The following CNTN2 variants were observed in gnomAD, a reference collection of about 807,000 sequenced individuals.
CNTN2 encodes the protein contactin 2, also known as contactin-2.
In CNTN2, 53 loss-of-function variants were observed where a neutral mutation model predicts 117.5. That is an observed-to-expected ratio of 0.45 (90% CI 0.36 to 0.57). The LOEUF is 0.57. Ranked by LOEUF, CNTN2 falls within the 20% of genes least tolerant of loss-of-function variation. CNTN2 has a pLI of 0.00. For missense variants in CNTN2, 1,106 were observed against 1,404.3 expected (o/e 0.79, Z 3.39); for synonymous variants, 530 against 561.7 (o/e 0.94, Z 0.80).
intron 20 of CNTN2, 101 bp downstream of exon 20, chr1:205,072,234 C>T: frequency 8.1e-7 from 1 of 1,231,562 alleles, no homozygotes; most frequent in East Asian, 2.3e-5. Context: ...CTCTAGCCCA[C>T]CAGCTCTGGG....
chr1:205,045,304 T>C (rs2096439657), intron 1 of CNTN2, among the ~76,000 whole-genome samples: 1 of 152,146 alleles, frequency 6.6e-6, no homozygotes, highest in Non-Finnish European at 1.5e-5. Context: ...CCGCCACCAT[T>C]TCCCCTGCCA....
chr1:205,059,484 C>A lies in CNTN2; in HGVS notation c.698-99C>A. On this transcript the variant is annotated intron_variant, in intron 6 of 22. Transcript: ENST00000331830. The surrounding 1 kb of genome is among the most constrained non-coding windows in gnomAD (Gnocchi z 5.6). ...GCCTCAAGGAGATTCCACACAGCTG[C>A]CTAGACAGAGTTGGCTCTGAAAGGT... The A allele has an allele frequency of 7.8e-7, 1 of 1,286,208 alleles. No homozygotes were observed. Among genetic ancestry groups the A allele is most frequent in the Non-Finnish European group, 1.1e-6 (1 of 889,508 alleles). The allele number at this position is 1,286,208 out of a possible 1,614,324, so 79.7% of individuals were successfully genotyped here. A position where few individuals can be genotyped will look rare whatever the true frequency, so the allele number is the denominator to read the frequency against.
rs547449143 is a variant in CNTN2 at position 205,074,127 on chromosome 1, C to T, written c.*362C>T. On this transcript the variant is annotated 3_prime_UTR_variant, in exon 23 of 23. Coordinates refer to ENST00000331830, the MANE Select transcript of CNTN2 (RefSeq NM_005076.5). Reference sequence around the variant, plus strand: ...GCCCTCTGGGACCCTATACGGACTCCGCCACTTGAGAGCAGTCCTAGGCCC... The same window carrying T: ...GCCCTCTGGGACCCTATACGGACTCTGCCACTTGAGAGCAGTCCTAGGCCC... 8 of 511,506 alleles carry T rather than the reference C, an allele frequency of 1.6e-5. No homozygotes were observed. The highest frequency in any genetic ancestry group is 5.6e-5 in the African/African-American group (3 of 53,098). The allele number at this position is 511,506 out of a possible 1,614,324, so 31.7% of individuals were successfully genotyped here.
In CNTN2 at chr1:205,069,404, T is replaced by TA. The variant is rs1330894407; in HGVS notation, c.2126-86dup. 5 of 1,349,640 alleles carry TA rather than the reference T, an allele frequency of 3.7e-6. No homozygotes were observed. In the African/African-American group the frequency reaches 5.8e-5, roughly 16 times the overall value. The allele number at this position is 1,349,640 out of a possible 1,614,324, so 83.6% of individuals were successfully genotyped here. On this transcript the variant is annotated intron_variant, in intron 16 of 22. Transcript: ENST00000331830. ...GGCCCAGTTGAAGGGGTTCCCATCT[T>TA]ACGGTGCTCTACAGGCACAGGCTCA...
rs953150406 is a variant in CNTN2, at chr1:205,064,488, C to T, written c.1391+16C>T. ...ACAGCAGCAGGTACCACCCACACCC[C>T]ACCCTGCACAGTTCCTGCTCCTCCT... On this transcript the variant is annotated intron_variant, in intron 11 of 22. Coordinates refer to ENST00000331830, the MANE Select transcript of CNTN2 (RefSeq NM_005076.5). The T allele has an allele frequency of 1.9e-6, 3 of 1,595,534 alleles. No individual in the cohort carries two copies. The highest frequency in any genetic ancestry group is 2.6e-6 in the Non-Finnish European group (3 of 1,165,934).
chr1:205,073,945 A>T lies in CNTN2; in HGVS notation c.*180A>T. 1 of 609,032 alleles carries T rather than the reference A, an allele frequency of 1.6e-6. No homozygotes were observed. Among genetic ancestry groups the T allele is most frequent in the Non-Finnish European group, 2.9e-6 (1 of 342,832 alleles). The allele number at this position is 609,032 out of a possible 1,614,324, so 37.7% of individuals were successfully genotyped here. ...ATTTTATATTCTGCCGCAGGATAGA[A>T]CCCACGCAAGGATTTTCTTTAAATT... is the stretch of plus-strand genomic sequence containing the variant. On this transcript the variant is annotated 3_prime_UTR_variant, in exon 23 of 23. Coordinates refer to ENST00000331830, the MANE Select transcript of CNTN2 (RefSeq NM_005076.5). This position sits in a 1 kb window ranked among gnomAD's most constrained non-coding sequence, Gnocchi z 6.3.
chr1:205,066,492 C>A lies in CNTN2; in HGVS notation c.1868C>A (p.Thr623Asn). 1.9e-6 allele frequency: 3 copies of A among 1,614,088 alleles called. No homozygotes were observed. Among genetic ancestry groups the A allele is most frequent in the Non-Finnish European group, 2.5e-6 (3 of 1,180,042 alleles). Residue 623 changes from threonine (T) to asparagine (N), a missense_variant, in exon 15 of 23, where the codon ACC (threonine) becomes AAC (asparagine). Coordinates refer to ENST00000331830, the MANE Select transcript of CNTN2 (RefSeq NM_005076.5). ...GVVVRDIGDT[T>N]IQLSWSRGFD... is the part of the protein sequence containing the mutation. Reference sequence around the variant, plus strand: ...GTGGTGAGGGACATTGGCGACACCACCATCCAGCTCAGCTGGAGCCGTGGC... The same window carrying A: ...GTGGTGAGGGACATTGGCGACACCAACATCCAGCTCAGCTGGAGCCGTGGC...
intron 9 of CNTN2, 182 bp from the exon 10 acceptor site, chr1:205,062,258 G>A (rs1263625679): frequency 1.1e-5 from 10 of 909,960 alleles, no homozygotes; most frequent in Non-Finnish European, 1.5e-5. Flanking sequence ...TTCCAGCTTT[G>A]GGGAGGCCTG....
chr1:205,052,878 G>A (rs935080116), intron 1 of CNTN2, among the ~76,000 whole-genome samples: 21 of 152,286 alleles, frequency 1.4e-4, no homozygotes, highest in African/African-American at 4.8e-4. Flanking sequence ...GGGGGTACAG[G>A]GCTGAGCCAG....
At position 205,059,336 on chromosome 1, in the gene CNTN2, G is replaced by A. The variant is rs1228399994; in HGVS notation, c.697+43G>A. 1 of 1,568,394 alleles carries A rather than the reference G, an allele frequency of 6.4e-7. No homozygotes were observed. The highest frequency in any genetic ancestry group is 8.7e-7 in the Non-Finnish European group (1 of 1,145,612). On this transcript the variant is annotated intron_variant, in intron 6 of 22. Coordinates refer to ENST00000331830, the MANE Select transcript of CNTN2 (RefSeq NM_005076.5). This position sits in a 1 kb window ranked among gnomAD's most constrained non-coding sequence, Gnocchi z 5.6. ...GTGGCTGGAGGGAGGGAACTGGAAG[G>A]GTCAGCGGGCATTAGGAAAAGGGTT...
intron 16 of CNTN2, 49 bp from the exon 17 acceptor site, chr1:205,069,442 T>A: frequency 6.3e-7 from 1 of 1,592,842 alleles, no homozygotes; most frequent in Non-Finnish European, 8.6e-7. Flanking sequence ...GCTTTCATTT[T>A]TTCCTTGCTC....
intron 1 of CNTN2, among the ~76,000 whole-genome samples, chr1:205,047,234 C>T (rs567245991): frequency 2.0e-5 from 3 of 152,240 alleles, no homozygotes. Context: ...CTAAGGATGT[C>T]TCCAGCTCAG....
At chr1:205,052,993 T>G (rs2096455446) in intron 1 of CNTN2, 107 bp from the exon 2 acceptor site, 1 of 448,386 alleles carries the variant, frequency 2.2e-6, no homozygotes, top group Non-Finnish European at 4.0e-6. Flanking sequence ...CTTGGGCAAT[T>G]CCGGCAGCTC....
intron 21 of CNTN2, 193 bp downstream of exon 21, chr1:205,072,788 G>C: frequency 1.5e-6 from 1 of 661,446 alleles, no homozygotes; most frequent in Non-Finnish European, 2.6e-6. Flanking sequence ...AAAACGGGCA[G>C]ATGGTATCAC....
chr1:205,058,312 C>G lies in CNTN2; in HGVS notation c.347C>G (p.Pro116Arg), dbSNP rs1439464482. Residue 116 changes from proline to arginine, a missense_variant, in exon 4 of 23, where the codon CCA becomes CGA. Transcript: ENST00000331830. This position sits in a 1 kb window ranked among gnomAD's most constrained non-coding sequence, Gnocchi z 4.3. ...AGVYQCLASN[P>R]VGTVVSREAI... ...GTCTACCAGTGCCTGGCCTCCAACC[C>G]AGTGGGCACCGTTGTCAGCAGGGAG... 6.5e-7 allele frequency: 1 copy of G among 1,528,136 alleles called. No homozygotes were observed. Among genetic ancestry groups the G allele is most frequent in the African/African-American group, 1.4e-5 (1 of 72,288 alleles). 94.7% of individuals were successfully genotyped at this position (1,528,136 alleles called of 1,614,324 possible). A position where few individuals can be genotyped will look rare whatever the true frequency, so the allele number is the denominator to read the frequency against.
At chr1:205,047,897 T>C (rs1193121158) in intron 1 of CNTN2, among the ~76,000 whole-genome samples, 1 of 152,104 alleles carries the variant, frequency 6.6e-6, no homozygotes, top group East Asian at 1.9e-4. Context: ...TTCTTGCAGA[T>C]GGGAGAGTGA....
chr1:205,064,126 A>AGGGGGGGGGGGGGGGGGGGGG (rs11329962), intron 10 of CNTN2, among the ~76,000 whole-genome samples, 196 bp from the exon 11 acceptor site: 148 of 94,310 alleles, frequency 1.6e-3, no homozygotes, highest in Admixed American at 2.1e-3. Flanking sequence ...TGAGGGGCGG[A>AGGGGGGGGGGGGGGGGGGGGG]GGGGGGGCGC....
chr1:205,073,571 C>A lies in CNTN2; in HGVS notation c.3014-85C>A. On this transcript the variant is annotated intron_variant, in intron 22 of 22. Transcript: ENST00000331830. The surrounding 1 kb of genome is among the most constrained non-coding windows in gnomAD (Gnocchi z 6.3). ...CAGGCCTGCAGCTGGCCCTGTGAGTCTCCTTAGGAAAGGTCTCAATCTTGC... is the reference window on the plus strand; with the variant it reads ...CAGGCCTGCAGCTGGCCCTGTGAGTATCCTTAGGAAAGGTCTCAATCTTGC... 8.1e-7 allele frequency: 1 copy of A among 1,240,358 alleles called. No individual in the cohort carries two copies. The highest frequency in any genetic ancestry group is 1.1e-6 in the Non-Finnish European group (1 of 870,658). The allele number at this position is 1,240,358 out of a possible 1,614,324, so 76.8% of individuals were successfully genotyped here.
chr1:205,070,295 G>A (rs945086335), intron 18 of CNTN2, 131 bp from the exon 19 acceptor site: 4 of 719,044 alleles, frequency 5.6e-6, no homozygotes, highest in South Asian at 3.7e-5. Context: ...ATTGCTTGGG[G>A]GGCTCCCACT....
Sources: allele counts gnomAD v4.1 joint callset (sites outside exome capture counted in the v4.1 genomes callset), GRCh38; gene constraint gnomAD v4.1.1; non-coding constraint Gnocchi (gnomAD v3.1); transcripts MANE v1.5; gene names NCBI Gene and HGNC (gene_info 2026-07-23, HGNC 2026-07-21).